MKNK2: variants seen among roughly 807,000 people sequenced by gnomAD.
MKNK2 encodes MAPK interacting serine/threonine kinase 2.
In MKNK2, 54 loss-of-function variants were observed where a neutral mutation model predicts 55.0. That is an observed-to-expected ratio of 0.98 (90% CI 0.79 to 1.23). The LOEUF (loss-of-function observed/expected upper bound fraction) is 1.23, where lower values mean the gene tolerates loss of function less well. Among genes scored for constraint, MKNK2 ranks in the 50% most tolerant of loss-of-function variants. The pLI, the probability that MKNK2 is intolerant of heterozygous loss-of-function variation, is 0.00. For missense variants in MKNK2, 685 were observed against 632.1 expected, an observed-to-expected ratio of 1.08 and a Z score of -0.90; for synonymous variants, 323 against 256.0, an observed-to-expected ratio of 1.26 and a Z score of -2.50.
Position 2,038,034 on chromosome 19 carries a change from C to T in MKNK2, c.*1579G>A, listed in dbSNP as rs985846621. ...AAAGGGGTGGGCGGAATGCCCCACC[C>T]CCCCCAGGGGTCTTTGGAAGGGGCA... On this transcript the variant is annotated 3_prime_UTR_variant, in exon 14 of 14. Coordinates refer to ENST00000250896, the MANE Select transcript of MKNK2 (RefSeq NM_199054.3). The T allele has an allele frequency of 1.2e-5, 16 of 1,307,286 alleles. No individual in the cohort carries two copies. The highest frequency in any genetic ancestry group is 1.5e-5 in the Non-Finnish European group (15 of 1,018,586). 81.0% of individuals were successfully genotyped at this position (1,307,286 alleles called of 1,614,324 possible). A position where few individuals can be genotyped will look rare whatever the true frequency, so the allele number is the denominator to read the frequency against.
Position 2,042,648 on chromosome 19 carries a change from C to A in MKNK2, c.613G>T (p.Asp205Tyr). 6.4e-7 allele frequency: 1 copy of A among 1,562,654 alleles called. No individual in the cohort carries two copies. The highest frequency in any genetic ancestry group is 8.7e-7 in the Non-Finnish European group (1 of 1,152,888). Residue 205 changes from aspartate to tyrosine, a missense_variant, in exon 9 of 14, where the codon GAC (aspartate) becomes TAC (tyrosine). Asp to Tyr is a radical substitution (Grantham distance 160, BLOSUM62 -3). Transcript: ENST00000250896. ...CAGAGGATGTTTTCCGGCTTTAGGT[C>A]CCTGTGGGCGATGCCTGGGGGAGAA... ...FLHNKGIAHR[D>Y]LKPENILCEH... is the part of the protein sequence containing the mutation.
At chr19:2,047,262 C>T (rs565613712) in intron 2 of MKNK2, among the ~76,000 whole-genome samples, 32 of 152,218 alleles carry the variant, frequency 2.1e-4, no homozygotes, top group Admixed American at 1.3e-3. Context: ...GCTCCTGGCA[C>T]GGAGTGGGGT....
rs1165678470 is a variant in MKNK2 at position 2,037,965 on chromosome 19, CG to C, written c.*1647del. The C allele has an allele frequency of 7.3e-7, 1 of 1,376,266 alleles. No homozygotes were observed. The highest frequency in any genetic ancestry group is 9.5e-7 in the Non-Finnish European group (1 of 1,054,110). 85.3% of individuals were successfully genotyped at this position (1,376,266 alleles called of 1,614,324 possible). On this transcript the variant is annotated 3_prime_UTR_variant, in exon 14 of 14. Transcript: ENST00000250896. The stretch of plus-strand genomic sequence containing the variant: ...TGATACAAAAAGGCAGAGAATCCCC[CG>C]TTACGAAACATGGAATCACTGACAG...
intron 12 of MKNK2, 193 bp downstream of exon 12, chr19:2,040,847 C>T: frequency 1.6e-6 from 1 of 615,210 alleles, no homozygotes; most frequent in Non-Finnish European, 2.8e-6. Flanking sequence ...GCCTGGCTGG[C>T]CAGCGGGCAC....
Position 2,042,775 on chromosome 19 carries a change from G to A in MKNK2, c.589C>T (p.His197Tyr). The A allele has an allele frequency of 6.3e-7, 1 of 1,576,770 alleles. No homozygotes were observed. The highest frequency in any genetic ancestry group is 1.1e-5 in the South Asian group (1 of 87,020). ...CGGGGTCACCACCTACCTTTGTTAT[G>A]CAGAAAGTCCAAGGCGCTGGCCACG... ...QDVASALDFL[H>Y]NKGIAHRDLK... The change falls in exon 8 of 14, where the codon CAT becomes TAT. Residue 197 changes from histidine (H) to tyrosine (Y), a missense_variant. By Grantham distance (83) the His-to-Tyr change is moderately conservative. Transcript: ENST00000250896.
In MKNK2 at chr19:2,042,140, C is replaced by G. The variant is rs1157804284; in HGVS notation, c.751-106G>C. Reference sequence around the variant, plus strand: ...GCGCCAGCCGGCTCGGACCCCGCCCCGCCGGGCCCGACCAATCAGCGGCTG... The same window carrying G: ...GCGCCAGCCGGCTCGGACCCCGCCCGGCCGGGCCCGACCAATCAGCGGCTG... On this transcript the variant is annotated intron_variant, in intron 10 of 13. Coordinates refer to ENST00000250896, the MANE Select transcript of MKNK2 (RefSeq NM_199054.3). 4 of 1,133,522 alleles carry G rather than the reference C, an allele frequency of 3.5e-6. No homozygotes were observed. The African/African-American group carries it at 5.0e-5, about 14-fold the overall frequency. 70.2% of individuals were successfully genotyped at this position (1,133,522 alleles called of 1,614,324 possible).
In MKNK2 at chr19:2,042,639, G is replaced by A. The variant is rs1427850266; in HGVS notation, c.622C>T (p.Pro208Ser). The change falls in exon 9 of 14, where the codon CCG becomes TCG. Residue 208 changes from proline to serine, a missense_variant. By Grantham distance (74) the Pro-to-Ser change is moderately conservative (BLOSUM62 -1). Coordinates refer to ENST00000250896, the MANE Select transcript of MKNK2 (RefSeq NM_199054.3). ...NKGIAHRDLKPENILCEHPNQ... is the reference protein window; with the variant it reads ...NKGIAHRDLKSENILCEHPNQ... ...GGGTGCTCACAGAGGATGTTTTCCG[G>A]CTTTAGGTCCCTGTGGGCGATGCCT... 6.4e-7 allele frequency: 1 copy of A among 1,563,782 alleles called. No homozygotes were observed. The highest frequency in any genetic ancestry group is 1.9e-5 in the Admixed American group (1 of 51,644).
chr19:2,039,826 G>A lies in MKNK2; in HGVS notation c.1185C>T (p.Phe395=), dbSNP rs145205605. The change falls in exon 14 of 14, where the codon TTC becomes TTT. Residue 395 remains phenylalanine (F), a synonymous_variant. Coordinates refer to ENST00000250896, the MANE Select transcript of MKNK2 (RefSeq NM_199054.3). The stretch of plus-strand genomic sequence containing the variant: ...GGTTCATGGCAATGGCCTCAGCCGC[G>A]AAGGACGTGAGGTCTTTGGCACAGC... ...RNSCAKDLTS[F]AAEAIAMNRQ... 3,714 of 1,602,026 alleles carry A rather than the reference G, an allele frequency of 2.3e-3. 8 individuals carry two copies. Among genetic ancestry groups the A allele is most frequent in the Non-Finnish European group, 2.9e-3 (3,389 of 1,177,868 alleles).
chr19:2,047,513 G>A (rs1270354083), intron 2 of MKNK2, among the ~76,000 whole-genome samples: 1 of 152,170 alleles, frequency 6.6e-6, no homozygotes, highest in Admixed American at 6.5e-5. Context: ...TTGCACCTCC[G>A]TCTGCTTGTC....
chr19:2,039,646 C>A lies in MKNK2; in HGVS notation c.1365G>T (p.Ser455=), dbSNP rs545227825. The change falls in exon 14 of 14, where the codon TCG becomes TCT. Residue 455 remains serine, a synonymous_variant. Transcript: ENST00000250896. ...AQRRQRASLS[S]APVVLVGDHA ...GGTCTCCCACCAGGACCACTGGGGC[C>A]GAGGACAGACTGGCCCTTTGCCGCC... 1.2e-6 allele frequency: 2 copies of A among 1,612,932 alleles called. No homozygotes were observed. The highest frequency in any genetic ancestry group is 1.1e-5 in the South Asian group (1 of 91,054).
At chr19:2,041,000 C>T (rs753462179) in intron 12 of MKNK2, 40 bp downstream of exon 12, 9 of 1,606,820 alleles carry the variant, frequency 5.6e-6, no homozygotes, top group South Asian at 3.3e-5. Context: ...CCCTGCAGCG[C>T]CCCCATACCC....
Position 2,050,795 on chromosome 19 carries a change from C to T in MKNK2, c.51+6G>A. On this transcript the variant is annotated splice_donor_region_variant and intron_variant, in intron 2 of 13. Transcript: ENST00000250896. ...GGAGCGCCCCCAAACCGACCCCGGG[C>T]CTCACCTTGAACGAACGGTGGAAAC... is the stretch of plus-strand genomic sequence containing the variant. 1 of 1,536,822 alleles carries T rather than the reference C, an allele frequency of 6.5e-7. No individual in the cohort carries two copies. Among genetic ancestry groups the T allele is most frequent in the South Asian group, 1.2e-5 (1 of 82,900 alleles).
chr19:2,044,323 T>C (rs1003006938), intron 5 of MKNK2, among the ~76,000 whole-genome samples: 3 of 152,244 alleles, frequency 2.0e-5, no homozygotes, highest in Non-Finnish European at 2.9e-5. Flanking sequence ...TCAGCCAATA[T>C]CTGTTTCGGG....
intron 11 of MKNK2, 129 bp from the exon 12 acceptor site, chr19:2,041,333 A>C (rs1012136943): frequency 7.4e-6 from 7 of 940,578 alleles, no homozygotes; most frequent in Non-Finnish European, 9.5e-6. Flanking sequence ...CCTGGGGCAG[A>C]GGGGGCTGGG....
In MKNK2 at chr19:2,051,171, C is replaced by G. The variant is rs891542604; in HGVS notation, c.-172G>C. 2 of 157,870 alleles carry G rather than the reference C, an allele frequency of 1.3e-5. No individual in the cohort carries two copies. The highest frequency in any genetic ancestry group is 1.4e-5 in the Non-Finnish European group (1 of 71,884). 9.8% of individuals were successfully genotyped at this position (157,870 alleles called of 1,614,324 possible). A position where few individuals can be genotyped will look rare whatever the true frequency, so the allele number is the denominator to read the frequency against. On this transcript the variant is annotated 5_prime_UTR_variant, in exon 1 of 14. Transcript: ENST00000250896. ...GCAGCCCGGACCCCGCTCCGCGGACCGCGCGGGGAACAGCGCCGCCGCCGC... is the reference window on the plus strand; with the variant it reads ...GCAGCCCGGACCCCGCTCCGCGGACGGCGCGGGGAACAGCGCCGCCGCCGC...
chr19:2,043,173 G>A lies in MKNK2; in HGVS notation c.444C>T (p.Phe148=). ...GHRNVLELIE[F]FEEEDRFYLV... ...GGTAGAAGCGGTCCTCCTCCTCGAAGAACTCAATCAGCTCTAGGACGTTCC... is the reference window on the plus strand; with the variant it reads ...GGTAGAAGCGGTCCTCCTCCTCGAAAAACTCAATCAGCTCTAGGACGTTCC... Residue 148 remains phenylalanine (F), a synonymous_variant, in exon 7 of 14, where the codon TTC becomes TTT. Transcript: ENST00000250896. 6.5e-7 allele frequency: 1 copy of A among 1,530,946 alleles called. No homozygotes were observed. Among genetic ancestry groups the A allele is most frequent in the Non-Finnish European group, 9.1e-7 (1 of 1,104,464 alleles). The allele number at this position is 1,530,946 out of a possible 1,614,324, so 94.8% of individuals were successfully genotyped here. A position where few individuals can be genotyped will look rare whatever the true frequency, so the allele number is the denominator to read the frequency against.
At chr19:2,049,709 T>C (rs1257987162) in intron 2 of MKNK2, among the ~76,000 whole-genome samples, 1 of 152,194 alleles carries the variant, frequency 6.6e-6, no homozygotes, top group Non-Finnish European at 1.5e-5. Flanking sequence ...AGAAGACCAC[T>C]GTCAGGTCCT....
intron 2 of MKNK2, 26 bp downstream of exon 2, chr19:2,050,775 G>T: frequency 6.5e-7 from 1 of 1,530,822 alleles, no homozygotes; most frequent in Non-Finnish European, 8.8e-7. Flanking sequence ...AGCCCGGAGC[G>T]CCCCCAAACC....
intron 5 of MKNK2, 74 bp from the exon 6 acceptor site, chr19:2,043,656 T>G: frequency 7.5e-7 from 1 of 1,325,392 alleles, no homozygotes; most frequent in East Asian, 2.4e-5. Context: ...GAAACTCCAC[T>G]GCCACGGCTG....
Sources: allele counts gnomAD v4.1 joint callset (sites outside exome capture counted in the v4.1 genomes callset), GRCh38; gene constraint gnomAD v4.1.1; transcripts MANE v1.5; gene names NCBI Gene and HGNC (gene_info 2026-07-23, HGNC 2026-07-21).